The following CAMK4 variants were observed in gnomAD, a reference collection of about 807,000 sequenced individuals.
CAMK4 encodes the protein calcium/calmodulin-dependent protein kinase type IV.
In CAMK4, 22 loss-of-function variants were observed where a neutral mutation model predicts 44.9. The observed-to-expected ratio is 0.49, with a 90% CI of 0.35 to 0.70. CAMK4 has a LOEUF of 0.70. CAMK4 is among the 30% of genes least tolerant of loss of function. The pLI is 0.01. For missense variants in CAMK4, 498 were observed against 586.8 expected (o/e 0.85, Z 1.56); for synonymous variants, 218 against 215.4 (o/e 1.01, Z -0.11).
chr5:111,262,903 G>T (rs6594506), intron 1 of CAMK4, among the ~76,000 whole-genome samples: 6 of 152,024 alleles, frequency 3.9e-5, no homozygotes, highest in Non-Finnish European at 8.8e-5. Context: ...TTATCACACA[G>T]ACAGATACTT....
intron 1 of CAMK4, among the ~76,000 whole-genome samples, chr5:111,230,363 G>C (rs1179916475): frequency 6.6e-6 from 1 of 152,156 alleles, no homozygotes; most frequent in Non-Finnish European, 1.5e-5. Flanking sequence ...GTTAAATCAA[G>C]TTGGACTAAA....
intron 5 of CAMK4, among the ~76,000 whole-genome samples, chr5:111,434,965 C>A (rs1434026893): frequency 9.2e-5 from 14 of 152,176 alleles, no homozygotes; most frequent in Admixed American, 7.9e-4. Context: ...CACACACAGC[C>A]CATTGAACAC....
intron 1 of CAMK4, among the ~76,000 whole-genome samples, chr5:111,326,652 G>T (rs902318368): frequency 6.7e-6 from 1 of 148,546 alleles, no homozygotes; most frequent in Non-Finnish European, 1.5e-5. Context: ...TATGCTTTGC[G>T]TGTCTCTCTG....
intron 1 of CAMK4, among the ~76,000 whole-genome samples, chr5:111,329,816 C>G (rs988658567): frequency 6.6e-6 from 1 of 151,566 alleles, no homozygotes. Flanking sequence ...AATCTCTCAG[C>G]AAAGTAAGAA....
chr5:111,463,090 G>A (rs528645307), intron 7 of CAMK4, among the ~76,000 whole-genome samples: 1 of 152,294 alleles, frequency 6.6e-6, no homozygotes, highest in South Asian at 2.1e-4. Context: ...ATGAGGTTTT[G>A]TGGGAGCTTG....
intron 1 of CAMK4, among the ~76,000 whole-genome samples, chr5:111,314,256 C>A (rs1185253056): frequency 6.6e-6 from 1 of 152,006 alleles, no homozygotes; most frequent in Admixed American, 6.6e-5. Flanking sequence ...CTTGGAACTA[C>A]TTATGAAGAC....
At chr5:111,284,097 A>G (rs1751134574) in intron 1 of CAMK4, among the ~76,000 whole-genome samples, 1 of 152,210 alleles carries the variant, frequency 6.6e-6, no homozygotes, top group African/African-American at 2.4e-5. Context: ...GGTAAAAATT[A>G]TAGTATCCCT....
At chr5:111,263,741 C>T (rs1020432425) in intron 1 of CAMK4, among the ~76,000 whole-genome samples, 2 of 152,190 alleles carry the variant, frequency 1.3e-5, no homozygotes, top group African/African-American at 4.8e-5. Flanking sequence ...AAACTCTTAA[C>T]TGTGGCTCTC....
intron 5 of CAMK4, among the ~76,000 whole-genome samples, chr5:111,424,588 G>C (rs560539274): frequency 1.5e-3 from 226 of 151,630 alleles, no homozygotes; most frequent in Non-Finnish European, 1.9e-3. Context: ...GGGACTACAG[G>C]TGCCCACCAC....
chr5:111,415,365 G>A lies in CAMK4; in HGVS notation c.459+20583G>A, dbSNP rs142643636. Among the ~76,000 whole-genome samples, 291 of 152,250 alleles carry A rather than the reference G, an allele frequency of 1.9e-3. 2 individuals are homozygous for A. The highest frequency in any genetic ancestry group is 0.014 in the Middle Eastern group (4 of 294). On this transcript the variant is annotated intron_variant, in intron 5 of 10. Coordinates refer to ENST00000282356, the MANE Select transcript of CAMK4 (RefSeq NM_001744.6). ...CAGTATGGCAGTGCTTTTGCTCAGG[G>A]AACCCTTATTTTACTTAATAATGTC... is the stretch of plus-strand genomic sequence containing the variant.
intron 1 of CAMK4, among the ~76,000 whole-genome samples, chr5:111,250,761 T>C (rs982233313): frequency 6.6e-6 from 1 of 152,210 alleles, no homozygotes; most frequent in African/African-American, 2.4e-5. Flanking sequence ...CTACATTTCC[T>C]GCGAGGCAAC....
At chr5:111,351,013 C>G (rs1750082077) in intron 2 of CAMK4, among the ~76,000 whole-genome samples, 1 of 152,070 alleles carries the variant, frequency 6.6e-6, no homozygotes. Flanking sequence ...TCAGATTTCT[C>G]AGTTTTAAAA....
chr5:111,225,839 C>G (rs1478735085), intron 1 of CAMK4, among the ~76,000 whole-genome samples: 2 of 152,130 alleles, frequency 1.3e-5, no homozygotes, highest in South Asian at 2.1e-4. Flanking sequence ...TGATTTGTCA[C>G]TGTTAAAAAT....
chr5:111,289,784 A>T (rs1360468724), intron 1 of CAMK4, among the ~76,000 whole-genome samples: 1 of 152,202 alleles, frequency 6.6e-6, no homozygotes, highest in Non-Finnish European at 1.5e-5. Flanking sequence ...GCACCAAAAG[A>T]TGCCCAATGA....
At chr5:111,283,202 G>A (rs768343082) in intron 1 of CAMK4, among the ~76,000 whole-genome samples, 1 of 152,128 alleles carries the variant, frequency 6.6e-6, no homozygotes, top group Non-Finnish European at 1.5e-5. Flanking sequence ...TAGTATTTTT[G>A]TATCACTGAG....
At chr5:111,249,905 C>T (rs909803908) in intron 1 of CAMK4, among the ~76,000 whole-genome samples, 6 of 152,006 alleles carry the variant, frequency 3.9e-5, no homozygotes, top group African/African-American at 1.2e-4. Flanking sequence ...TGATATTTAA[C>T]AGGTGTGTAC....
chr5:111,418,038 T>C (rs1752875631), intron 5 of CAMK4, among the ~76,000 whole-genome samples: 1 of 152,156 alleles, frequency 6.6e-6, no homozygotes, highest in Admixed American at 6.5e-5. Flanking sequence ...GGGATTTTCA[T>C]TTGGGAAAGT....
chr5:111,420,122 T>A (rs4957947), intron 5 of CAMK4, among the ~76,000 whole-genome samples: 3 of 145,512 alleles, frequency 2.1e-5, no homozygotes, highest in Non-Finnish European at 1.5e-5. Context: ...ATTTCATTGA[T>A]CAGTGGTTTG....
chr5:111,344,174 AG>A, intron 2 of CAMK4, 72 bp downstream of exon 2: 1 of 927,056 alleles, frequency 1.1e-6, no homozygotes. Flanking sequence ...CCTGATTTGA[AG>A]AACAAAGGGG....
Sources: allele counts gnomAD v4.1 joint callset (sites outside exome capture counted in the v4.1 genomes callset), GRCh38; gene constraint gnomAD v4.1.1; transcripts MANE v1.5; gene names NCBI Gene and HGNC (gene_info 2026-07-23, HGNC 2026-07-21).